Variants in FDFT1 observed in about 807,000 individuals in gnomAD.
FDFT1 encodes squalene synthase.
A neutral mutation model predicts 46.8 loss-of-function variants in FDFT1; 68 were observed. The ratio of observed to expected loss-of-function variants is 1.45; its 90% CI spans 1.19 to 1.78. The LOEUF (loss-of-function observed/expected upper bound fraction) is 1.78, where lower values mean the gene tolerates loss of function less well. Ranked by LOEUF, FDFT1 falls within the 40% of genes most tolerant of loss-of-function variation. The pLI is 0.00. For synonymous variants in FDFT1, 351 were observed against 185.1 expected, an observed-to-expected ratio of 1.90 and a Z score of -7.28; for missense variants, 928 against 524.4, an observed-to-expected ratio of 1.77 and a Z score of -7.52.
chr8:11,821,699 C>T, intron 3 of FDFT1, 51 bp from the exon 4 acceptor site: 4 of 1,597,918 alleles, frequency 2.5e-6, no homozygotes, highest in South Asian at 1.1e-5. Flanking sequence ...TCTTTGGTGC[C>T]ATGTCTGTAC....
chr8:11,801,246 C>A (rs930513448), upstream of FDFT1, among the ~76,000 whole-genome samples: 2 of 152,206 alleles, frequency 1.3e-5, no homozygotes, highest in African/African-American at 2.4e-5. Context: ...TGCAGCCTCT[C>A]AGGATCCCTA....
At chr8:11,796,505 G>A (rs1178529689) in intron 1 of FDFT1, among the ~76,000 whole-genome samples, 1 of 152,210 alleles carries the variant, frequency 6.6e-6, no homozygotes, top group Non-Finnish European at 1.5e-5. Context: ...TTGATTCGGA[G>A]CTTGCTGTAG....
chr8:11,826,203 C>A lies in FDFT1; in HGVS notation c.690C>A (p.Phe230Leu). ...YLEDQQGGRE[F>L]WPQEVWSRYV... Reference sequence around the variant, plus strand: ...AAGACCAGCAAGGAGGAAGAGAGTTCTGGCCTCAAGAGGTAACAGATTCAG... The same window carrying A: ...AAGACCAGCAAGGAGGAAGAGAGTTATGGCCTCAAGAGGTAACAGATTCAG... Residue 230 changes from phenylalanine to leucine, a missense_variant, in exon 5 of 8, where the codon TTC (phenylalanine) becomes TTA (leucine). Phe to Leu is a conservative substitution (Grantham distance 22, BLOSUM62 0). Transcript: ENST00000220584. The A allele has an allele frequency of 6.4e-7, 1 of 1,555,288 alleles. No homozygotes were observed. The highest frequency in any genetic ancestry group is 1.2e-5 in the South Asian group (1 of 85,148).
intron 3 of FDFT1, among the ~76,000 whole-genome samples, chr8:11,818,081 A>G (rs914452768): frequency 2.0e-5 from 3 of 152,212 alleles, no homozygotes; most frequent in Admixed American, 6.5e-5. Flanking sequence ...CATTGGTTTC[A>G]AAGAACATCT....
At chr8:11,813,840 G>A (rs913841621) in intron 3 of FDFT1, among the ~76,000 whole-genome samples, 1 of 152,196 alleles carries the variant, frequency 6.6e-6, no homozygotes, top group Non-Finnish European at 1.5e-5. Flanking sequence ...ACATGTCACG[G>A]CTTATGGTCG....
At chr8:11,832,550 T>TAAAAAAA (rs1810947003) in intron 7 of FDFT1, among the ~76,000 whole-genome samples, 1 of 13,410 alleles carries the variant, frequency 7.5e-5, no homozygotes, top group Non-Finnish European at 1.8e-4. Flanking sequence ...AGACTTTGTC[T>TAAAAAAA]CAAAAAAAAA....
At chr8:11,831,475 G>C (rs761714231) in intron 6 of FDFT1, 43 bp from the exon 7 acceptor site, 3 of 1,580,432 alleles carry the variant, frequency 1.9e-6, no homozygotes, top group Non-Finnish European at 2.6e-6. Flanking sequence ...GATAGCTAAC[G>C]ACATCATTTC....
At chr8:11,834,691 T>C (rs2130898358) in intron 7 of FDFT1, among the ~76,000 whole-genome samples, 1 of 152,382 alleles carries the variant, frequency 6.6e-6, no homozygotes, top group African/African-American at 2.4e-5. Context: ...ATGATCAAGC[T>C]GATTCCATAT....
chr8:11,805,107 A>T (rs570032067), intron 1 of FDFT1, among the ~76,000 whole-genome samples: 1 of 151,476 alleles, frequency 6.6e-6, no homozygotes, highest in Non-Finnish European at 1.5e-5. Context: ...TGTAGACACA[A>T]TGTCTCGCTG....
At chr8:11,837,641 C>CA (rs1811726269) in intron 7 of FDFT1, among the ~76,000 whole-genome samples, 1 of 152,068 alleles carries the variant, frequency 6.6e-6, no homozygotes, top group African/African-American at 2.4e-5. Flanking sequence ...TTACAGAGCT[C>CA]AGGCTTTTTT....
chr8:11,836,950 G>A (rs1434428633), intron 7 of FDFT1, among the ~76,000 whole-genome samples: 1 of 152,256 alleles, frequency 6.6e-6, no homozygotes, highest in Non-Finnish European at 1.5e-5. Flanking sequence ...AAAAAGGTGA[G>A]TAAGTAGGTG....
rs976624490 is a variant in FDFT1, at chr8:11,827,050, G to T, written c.702+835G>T. ...TTAATTAAAACATGGACAGGGAACA[G>T]AAAGCTTTTGATACTGATTTTGTTC... is the stretch of plus-strand genomic sequence containing the variant. On this transcript the variant is annotated intron_variant, in intron 5 of 7. Transcript: ENST00000220584. Among the ~76,000 whole-genome samples, 4 of 152,214 alleles carry T rather than the reference G, an allele frequency of 2.6e-5. No homozygotes were observed. The South Asian group carries it at 8.3e-4, about 31-fold the overall frequency.
upstream of FDFT1, among the ~76,000 whole-genome samples, chr8:11,800,795 G>C (rs1358400856): frequency 6.6e-6 from 1 of 152,162 alleles, no homozygotes; most frequent in South Asian, 2.1e-4. Context: ...CTAATTAAAT[G>C]GGGAGGAAAG....
intron 1 of FDFT1, chr8:11,803,416 G>C (rs1806401090): frequency 7.8e-7 from 1 of 1,288,474 alleles, no homozygotes; most frequent in African/African-American, 1.5e-5. Context: ...GCCTTCCATC[G>C]CTTCATCCTC....
At chr8:11,799,155 G>A (rs538500729), upstream of FDFT1, among the ~76,000 whole-genome samples, 4 of 152,322 alleles carry the variant, frequency 2.6e-5, no homozygotes, top group African/African-American at 9.6e-5. Context: ...CACCCTATAG[G>A]TCAAAAGGTC....
chr8:11,796,808 T>G lies in FDFT1; in HGVS notation c.-94+797T>G, dbSNP rs115455383. ...CAAATTGGGCCTTAGCCCATGAGGGTTCCTGGCTTTACCCAGGAAAGAATT... is the reference window on the plus strand; with the variant it reads ...CAAATTGGGCCTTAGCCCATGAGGGGTCCTGGCTTTACCCAGGAAAGAATT... On this transcript the variant is annotated intron_variant, in intron 1 of 7. Transcript: ENST00000538689. Among the ~76,000 whole-genome samples, 625 of 152,330 alleles carry G rather than the reference T, an allele frequency of 4.1e-3. 8 individuals are homozygous for G. Among genetic ancestry groups the G allele is most frequent in the African/African-American group, 0.014 (599 of 41,572 alleles).
intron 3 of FDFT1, among the ~76,000 whole-genome samples, chr8:11,816,229 A>G (rs188720326): frequency 1.6e-3 from 240 of 152,152 alleles, no homozygotes; most frequent in Non-Finnish European, 2.5e-3. Flanking sequence ...TGGTGTACAT[A>G]TCTGTTTTGG....
At chr8:11,800,552 A>G (rs372086964), upstream of FDFT1, among the ~76,000 whole-genome samples, 31 of 152,316 alleles carry the variant, frequency 2.0e-4, no homozygotes, top group African/African-American at 7.2e-4. Flanking sequence ...GGAGGAAGTA[A>G]CTTGTGGAAT....
upstream of FDFT1, chr8:11,802,203 G>GTGT: frequency 2.4e-6 from 1 of 418,790 alleles, no homozygotes; most frequent in Non-Finnish European, 4.7e-6. Context: ...GTGCTCGGGT[G>GTGT]TGTTACAGTA....
Sources: allele counts gnomAD v4.1 joint callset (sites outside exome capture counted in the v4.1 genomes callset), GRCh38; gene constraint gnomAD v4.1.1; transcripts MANE v1.5; gene names NCBI Gene and HGNC (gene_info 2026-07-23, HGNC 2026-07-21).